TMTC1: variants seen among roughly 807,000 people sequenced by gnomAD.
TMTC1 encodes the protein transmembrane O-mannosyltransferase targeting cadherins 1.
In TMTC1, 73 loss-of-function variants were observed where a neutral mutation model predicts 104.8. The observed-to-expected ratio is 0.70, with a 90% CI of 0.58 to 0.85. The LOEUF is 0.85. TMTC1 is among the 40% of genes least tolerant of loss of function. TMTC1 has a pLI of 0.00. For synonymous variants in TMTC1, 434 were observed against 428.7 expected (o/e 1.01, Z -0.15); for missense variants, 1,035 against 1,096.1 (o/e 0.94, Z 0.79).
intron 5 of TMTC1, among the ~76,000 whole-genome samples, chr12:29,667,029 C>T (rs2136666118): frequency 6.6e-6 from 1 of 152,204 alleles, no homozygotes; most frequent in East Asian, 1.9e-4. Context: ...AAAAAGATTT[C>T]TCAGTTGATC....
At chr12:29,633,094 C>A in intron 6 of TMTC1, 53 bp downstream of exon 6, 2 of 1,509,282 alleles carry the variant, frequency 1.3e-6, no homozygotes, top group Non-Finnish European at 1.8e-6. Flanking sequence ...ACATTATAGG[C>A]ATAGAATATC....
Position 29,653,541 on chromosome 12 carries a change from C to A in TMTC1, c.939-20205G>T, listed in dbSNP as rs73269861. Among the ~76,000 whole-genome samples, 296 of 152,218 alleles carry A rather than the reference C, an allele frequency of 1.9e-3. 1 individual carries two copies. The highest frequency in any genetic ancestry group is 6.9e-3 in the African/African-American group (286 of 41,534). ...ATAAAGATACAATGTCTCCTTTGTT[C>A]TTTAGTTTCTAATTATATTGTTCTT... On this transcript the variant is annotated intron_variant, in intron 5 of 17. Transcript: ENST00000539277.
chr12:29,546,479 C>T (rs1248002581), intron 10 of TMTC1, among the ~76,000 whole-genome samples: 1 of 152,140 alleles, frequency 6.6e-6, no homozygotes, highest in Non-Finnish European at 1.5e-5. Flanking sequence ...CTTCCTGGGA[C>T]AGACCCTGCA....
intron 9 of TMTC1, among the ~76,000 whole-genome samples, chr12:29,568,124 T>G (rs916383597): frequency 1.3e-5 from 2 of 152,226 alleles, no homozygotes; most frequent in African/African-American, 4.8e-5. Flanking sequence ...CTCTATGTTA[T>G]GCATTAAACA....
Position 29,536,267 on chromosome 12 carries a change from T to C in TMTC1, c.1727A>G (p.Lys576Arg), listed in dbSNP as rs759966755. The stretch of plus-strand genomic sequence containing the variant: ...TGCATCTGCAAACTCTGGACCATAT[T>C]TGATGGAATCCTTCAGTAAGGTGAT... ...EAITLLKDSIKYGPEFADAYS... is the reference protein window; with the variant it reads ...EAITLLKDSIRYGPEFADAYS... The change falls in exon 11 of 18, where the codon AAA becomes AGA. Residue 576 changes from lysine to arginine, a missense_variant. Coordinates refer to ENST00000539277, the MANE Select transcript of TMTC1 (RefSeq NM_001193451.2). The C allele has an allele frequency of 2.5e-5, 40 of 1,613,070 alleles. No homozygotes were observed. Among genetic ancestry groups the C allele is most frequent in the Non-Finnish European group, 3.2e-5 (38 of 1,179,658 alleles).
chr12:29,511,005 C>CGTGCTT (rs1446858372), intron 17 of TMTC1, among the ~76,000 whole-genome samples: 1 of 152,144 alleles, frequency 6.6e-6, no homozygotes, highest in African/African-American at 2.4e-5. Flanking sequence ...GGCCTCTGCA[C>CGTGCTT]GTGCTTGTGC....
intron 5 of TMTC1, among the ~76,000 whole-genome samples, chr12:29,708,142 T>C (rs977986439): frequency 5.3e-5 from 8 of 152,144 alleles, no homozygotes; most frequent in African/African-American, 1.9e-4. Flanking sequence ...TCCAGAAGGA[T>C]ACAACACACA....
chr12:29,563,359 T>G (rs1243436369), intron 9 of TMTC1, among the ~76,000 whole-genome samples: 2 of 152,186 alleles, frequency 1.3e-5, no homozygotes, highest in African/African-American at 4.8e-5. Flanking sequence ...CTTGTTGCAC[T>G]AACACTTCCT....
At chr12:29,711,340 A>G (rs988625368) in intron 5 of TMTC1, among the ~76,000 whole-genome samples, 4 of 152,176 alleles carry the variant, frequency 2.6e-5, no homozygotes, top group African/African-American at 9.7e-5. Flanking sequence ...TCATGTGATA[A>G]TTTGGAAAGG....
At chr12:29,553,616 A>G (rs1945163100) in intron 10 of TMTC1, among the ~76,000 whole-genome samples, 1 of 152,204 alleles carries the variant, frequency 6.6e-6, no homozygotes, top group South Asian at 2.1e-4. Flanking sequence ...TCTTATACAA[A>G]TGTAAAGCAT....
chr12:29,677,369 C>T (rs78837362), intron 5 of TMTC1, among the ~76,000 whole-genome samples: 1,588 of 152,236 alleles, frequency 0.01, 36 homozygotes, highest in African/African-American at 0.036. Flanking sequence ...GCAGTTATTT[C>T]CATACATAAA....
chr12:29,537,426 G>A (rs1944676153), intron 10 of TMTC1, among the ~76,000 whole-genome samples: 1 of 152,076 alleles, frequency 6.6e-6, no homozygotes, highest in Non-Finnish European at 1.5e-5. Flanking sequence ...TTTCAATTCA[G>A]GGAAGTCAAG....
chr12:29,689,020 G>C (rs1056673634), intron 5 of TMTC1, among the ~76,000 whole-genome samples: 7 of 152,110 alleles, frequency 4.6e-5, no homozygotes, highest in Non-Finnish European at 7.3e-5. Context: ...CCTCAATCCT[G>C]TCTTCAACCC....
intron 1 of TMTC1, among the ~76,000 whole-genome samples, chr12:29,780,123 T>C (rs1943800115): frequency 6.6e-6 from 1 of 152,208 alleles, no homozygotes; most frequent in African/African-American, 2.4e-5. Context: ...GCAGCCACCA[T>C]ATGGCCCAGC....
intron 5 of TMTC1, 54 bp downstream of exon 5, chr12:29,751,612 T>G (rs1943091334): frequency 1.3e-6 from 2 of 1,586,808 alleles, no homozygotes; most frequent in Admixed American, 3.3e-5. Flanking sequence ...CAGGCTGCAC[T>G]AGGTGATGCT....
intron 17 of TMTC1, among the ~76,000 whole-genome samples, chr12:29,509,558 TAA>T (rs569292132): frequency 6.8e-4 from 104 of 152,334 alleles, no homozygotes; most frequent in African/African-American, 2.3e-3. Context: ...AGAAAGTTCA[TAA>T]TTATCTTTTA....
intron 5 of TMTC1, among the ~76,000 whole-genome samples, chr12:29,680,674 T>C (rs1242440037): frequency 6.6e-6 from 1 of 152,196 alleles, no homozygotes; most frequent in African/African-American, 2.4e-5. Context: ...TGGGCTTCCC[T>C]GAATGTGTTA....
At chr12:29,545,676 C>CAG (rs1555167547) in intron 10 of TMTC1, among the ~76,000 whole-genome samples, 9,482 of 137,738 alleles carry the variant, frequency 0.069, 752 homozygotes, top group Middle Eastern at 0.12. Context: ...CACACACACA[C>CAG]GGATAGAAAC....
In TMTC1 at chr12:29,755,882, A is replaced by G; in HGVS notation, c.558T>C (p.Ser186=). Reference sequence around the variant, plus strand: ...TTCCCCCAACACAGCCCTGATCCAGACTCCTGAAAAACAAGTTGGAGATTC... The same window carrying G: ...TTCCCCCAACACAGCCCTGATCCAGGCTCCTGAAAAACAAGTTGGAGATTC... ...FLLAFLSYNR[S]LDQGCVGGSF... The change falls in exon 4 of 18, where the codon AGT becomes AGC. Residue 186 remains serine (S), a synonymous_variant. Coordinates refer to ENST00000539277, the MANE Select transcript of TMTC1 (RefSeq NM_001193451.2). 1 of 1,612,350 alleles carries G rather than the reference A, an allele frequency of 6.2e-7. No homozygotes were observed. Among genetic ancestry groups the G allele is most frequent in the Non-Finnish European group, 8.5e-7 (1 of 1,179,524 alleles).
Sources: gnomAD v4.1 joint callset for allele counts (sites outside exome capture counted in the v4.1 genomes callset) on GRCh38, gnomAD v4.1.1 for gene constraint, MANE v1.5 for transcripts, NCBI Gene and HGNC (gene_info 2026-07-23, HGNC 2026-07-21) for gene names.